Variants in NAPB observed in about 807,000 individuals in gnomAD.
The protein encoded by NAPB is NSF attachment protein beta.
A neutral mutation model predicts 44.7 loss-of-function variants in NAPB; 26 were observed. That is an observed-to-expected ratio of 0.58 (90% CI 0.43 to 0.81). The LOEUF (loss-of-function observed/expected upper bound fraction) is 0.81, where lower values mean the gene tolerates loss of function less well. Among genes scored for constraint, NAPB ranks in the 30% least tolerant of loss-of-function variants. NAPB has a pLI of 0.00. For missense variants in NAPB, 315 were observed against 356.4 expected (o/e 0.88, Z 0.94); for synonymous variants, 120 against 116.8 (o/e 1.03, Z -0.18).
At chr20:23,416,091 T>C (rs941932965) in intron 1 of NAPB, among the ~76,000 whole-genome samples, 2 of 152,228 alleles carry the variant, frequency 1.3e-5, no homozygotes, top group East Asian at 1.9e-4. Context: ...TTAGCATTAA[T>C]ACATTCATTC....
At chr20:23,400,441 G>A (rs8123761) in intron 2 of NAPB, among the ~76,000 whole-genome samples, 3,120 of 152,162 alleles carry the variant, frequency 0.021, 112 homozygotes, top group African/African-American at 0.071. Flanking sequence ...GCTTAAACTC[G>A]GGAGGCGGAG....
At chr20:23,409,375 C>G (rs988467127) in intron 1 of NAPB, among the ~76,000 whole-genome samples, 10 of 152,260 alleles carry the variant, frequency 6.6e-5, no homozygotes, top group African/African-American at 2.4e-4. Flanking sequence ...CTTATGAGAA[C>G]AAGTATAACA....
intron 1 of NAPB, among the ~76,000 whole-genome samples, chr20:23,419,808 G>C (rs551710861): frequency 6.6e-6 from 1 of 152,228 alleles, no homozygotes; most frequent in African/African-American, 2.4e-5. Context: ...TGAGGACAGG[G>C]ACCCTTATCT....
At position 23,380,853 on chromosome 20, in the gene NAPB, G is replaced by GA. The variant is rs528749125; in HGVS notation, c.666+359dup. The GA allele has an allele frequency of 7.6e-3, 1,199 of 158,174 alleles. 7 individuals carry two copies. The highest frequency in any genetic ancestry group is 0.014 in the South Asian group (85 of 5,998). 9.8% of individuals were successfully genotyped at this position (158,174 alleles called of 1,614,324 possible). A position where few individuals can be genotyped will look rare whatever the true frequency, so the allele number is the denominator to read the frequency against. On this transcript the variant is annotated intron_variant, in intron 8 of 10. Coordinates refer to ENST00000377026, the MANE Select transcript of NAPB (RefSeq NM_022080.3). ...TTAATTTCTTTAAAGCAAAACTACTGAAAAAAAAATGGTGGCTACCAGTGA... is the reference window on the plus strand; with the variant it reads ...TTAATTTCTTTAAAGCAAAACTACTGAAAAAAAAAATGGTGGCTACCAGTGA...
At chr20:23,400,309 G>C (rs1424073146) in intron 2 of NAPB, among the ~76,000 whole-genome samples, 1 of 152,132 alleles carries the variant, frequency 6.6e-6, no homozygotes, top group Non-Finnish European at 1.5e-5. Flanking sequence ...TCGTGGTCAG[G>C]AGTTCAAGAC....
At chr20:23,403,821 A>T (rs1370557056) in intron 1 of NAPB, among the ~76,000 whole-genome samples, 2 of 152,190 alleles carry the variant, frequency 1.3e-5, no homozygotes, top group African/African-American at 4.8e-5. Context: ...CCAAGAGTTC[A>T]GCACTATGTT....
intron 1 of NAPB, among the ~76,000 whole-genome samples, chr20:23,419,551 C>A (rs1404990641): frequency 1.3e-5 from 2 of 152,170 alleles, no homozygotes; most frequent in African/African-American, 2.4e-5. Context: ...CACTTCCTGA[C>A]TTGAAATAAT....
chr20:23,405,453 G>A (rs1468256870), intron 1 of NAPB, among the ~76,000 whole-genome samples: 2 of 152,208 alleles, frequency 1.3e-5, no homozygotes, highest in Non-Finnish European at 2.9e-5. Flanking sequence ...CAGGCACAGT[G>A]GCTCACGCCT....
chr20:23,399,831 G>A (rs757281986), intron 2 of NAPB, among the ~76,000 whole-genome samples: 1 of 152,220 alleles, frequency 6.6e-6, no homozygotes, highest in Non-Finnish European at 1.5e-5. Context: ...CTTGGACTTC[G>A]CAAGTAAAGT....
Sources: allele counts gnomAD v4.1 joint callset (sites outside exome capture counted in the v4.1 genomes callset), GRCh38; gene constraint gnomAD v4.1.1; transcripts MANE v1.5; gene names NCBI Gene and HGNC (gene_info 2026-07-23, HGNC 2026-07-21).